Variants in BRCA2 observed in about 807,000 individuals in gnomAD.
The protein encoded by BRCA2 is BRCA2 DNA repair associated.
A neutral mutation model predicts 276.7 loss-of-function variants in BRCA2; 203 were observed. The ratio of observed to expected loss-of-function variants is 0.73; its 90% CI spans 0.65 to 0.82. The LOEUF is 0.82. BRCA2 is among the 40% of genes least tolerant of loss of function. The pLI, the probability that BRCA2 is intolerant of heterozygous loss-of-function variation, is 0.00. For synonymous variants in BRCA2, 1,289 were observed against 1,338.4 expected (o/e 0.96, Z 0.81); for missense variants, 3,920 against 3,915.0 (o/e 1.00, Z -0.03).
At chr13:32,392,530 C>T (rs1302022724) in intron 24 of BRCA2, among the ~76,000 whole-genome samples, 3 of 150,564 alleles carry the variant, frequency 2.0e-5, no homozygotes, top group African/African-American at 4.9e-5. Flanking sequence ...GCGGGGGCTG[C>T]GGTGACCCAA....
chr13:32,367,646 T>G lies in BRCA2; in HGVS notation c.8332-2756T>G, dbSNP rs149912422. On this transcript the variant is annotated intron_variant, in intron 18 of 26. Transcript: ENST00000380152. ...CCCATCTCTACAAAAAATACAAAAA[T>G]TAACCAGGTGTGGTGGCATGTGCCT... Among the ~76,000 whole-genome samples, 417 of 151,906 alleles carry G rather than the reference T, an allele frequency of 2.7e-3. 2 individuals are homozygous for G. Among genetic ancestry groups the G allele is most frequent in the African/African-American group, 9.5e-3 (394 of 41,424 alleles).
chr13:32,364,122 G>C (rs1398445664), intron 18 of BRCA2, among the ~76,000 whole-genome samples: 1 of 152,140 alleles, frequency 6.6e-6, no homozygotes, highest in Non-Finnish European at 1.5e-5. Context: ...TTTGGCATTA[G>C]TTCCATGTTG....
chr13:32,394,630 A>G, intron 24 of BRCA2, 59 bp from the exon 25 acceptor site: 1 of 1,562,384 alleles, frequency 6.4e-7, no homozygotes, highest in Non-Finnish European at 8.7e-7. Flanking sequence ...CCTTTCTTGC[A>G]TCTTAAAATT....
chr13:32,333,498 G>A, intron 10 of BRCA2, 111 bp downstream of exon 10: 1 of 1,207,860 alleles, frequency 8.3e-7, no homozygotes, highest in Non-Finnish European at 1.2e-6. Context: ...TTTAATCTTA[G>A]GCATCATCTG....
intron 24 of BRCA2, among the ~76,000 whole-genome samples, chr13:32,380,617 T>G (rs1350978131): frequency 6.9e-6 from 1 of 144,624 alleles, no homozygotes; most frequent in Admixed American, 7.4e-5. Flanking sequence ...CTCAGCCCAC[T>G]GCAAGTTCTG....
intron 18 of BRCA2, among the ~76,000 whole-genome samples, chr13:32,364,313 G>A (rs867533527): frequency 6.6e-6 from 1 of 151,712 alleles, no homozygotes; most frequent in Non-Finnish European, 1.5e-5. Context: ...CCAAAAAAAA[G>A]CAGTTGCTAG....
rs1215865818 is a variant in BRCA2 at position 32,340,703 on chromosome 13, C to T, written c.6348C>T (p.His2116=). Reference sequence around the variant, plus strand: ...GTGTTGATAAGAGAAACCCAGAGCACTGTGTAAACTCAGAAATGGAAAAAA... The same window carrying T: ...GTGTTGATAAGAGAAACCCAGAGCATTGTGTAAACTCAGAAATGGAAAAAA... ...LPRVDKRNPE[H]CVNSEMEKTC... is the part of the protein sequence containing the mutation. The change falls in exon 11 of 27, where the codon CAC becomes CAT. Residue 2116 remains histidine (H), a synonymous_variant. Coordinates refer to ENST00000380152, the MANE Select transcript of BRCA2 (RefSeq NM_000059.4). 6.2e-7 allele frequency: 1 copy of T among 1,609,346 alleles called. No homozygotes were observed. The highest frequency in any genetic ancestry group is 8.5e-7 in the Non-Finnish European group (1 of 1,178,960).
intron 18 of BRCA2, among the ~76,000 whole-genome samples, chr13:32,366,135 C>CTTAA (rs1338031641): frequency 1.3e-5 from 2 of 151,942 alleles, no homozygotes; most frequent in African/African-American, 4.8e-5. Context: ...AAGCAAAGAA[C>CTTAA]TTAAGTGTGT....
rs398122577 is a variant in BRCA2 at position 32,355,075 on chromosome 13, C to T, written c.7222C>T (p.Pro2408Ser). 2.5e-6 allele frequency: 4 copies of T among 1,613,766 alleles called. No homozygotes were observed. The highest frequency in any genetic ancestry group is 1.7e-5 in the Admixed American group (1 of 60,000). The change falls in exon 14 of 27, where the codon CCA (proline) becomes TCA (serine). Residue 2408 changes from proline (P) to serine (S), a missense_variant. Physicochemically the swap from Pro to Ser is moderately conservative, Grantham distance 74. This residue lies in a region of BRCA2 where 3,263 missense variants were observed against 3,156.9 expected (regional missense o/e 1.03). Coordinates refer to ENST00000380152, the MANE Select transcript of BRCA2 (RefSeq NM_000059.4). Reference sequence around the variant, plus strand: ...AGGCAGACCAACCAAAGTCTTTGTTCCACCTTTTAAAACTAAATCACATTT... The same window carrying T: ...AGGCAGACCAACCAAAGTCTTTGTTTCACCTTTTAAAACTAAATCACATTT... ...TTGRPTKVFVPPFKTKSHFHR... is the reference protein window; with the variant it reads ...TTGRPTKVFVSPFKTKSHFHR...
At chr13:32,343,278 G>C (rs1278245296) in intron 11 of BRCA2, among the ~76,000 whole-genome samples, 2 of 151,926 alleles carry the variant, frequency 1.3e-5, no homozygotes, top group Non-Finnish European at 2.9e-5. Flanking sequence ...TTTGTTAGTT[G>C]CAATTAAAGC....
intron 18 of BRCA2, among the ~76,000 whole-genome samples, chr13:32,366,878 A>G (rs1398340059): frequency 6.6e-6 from 1 of 152,006 alleles, no homozygotes; most frequent in Non-Finnish European, 1.5e-5. Flanking sequence ...CAAAAAAAAA[A>G]AAAAAAGGAA....
rs11451886 is a variant in BRCA2, at chr13:32,380,534, C to CTTTTT, written c.9256+405_9256+409dup. On this transcript the variant is annotated intron_variant, in intron 24 of 26. Transcript: ENST00000380152. The stretch of plus-strand genomic sequence containing the variant: ...GGCTATTTATTATCTCAGAGTCAAG[C>CTTTTT]TTTTTTTTTTTTTTTTTTTTCCCCG... Among the ~76,000 whole-genome samples, 4 of 101,722 alleles carry CTTTTT rather than the reference C, an allele frequency of 3.9e-5. 1 individual carries two copies. The highest frequency in any genetic ancestry group is 7.5e-5 in the Non-Finnish European group (4 of 53,028). 66.7% of individuals were successfully genotyped at this position (101,722 alleles called of 152,430 possible).
Position 32,344,167 on chromosome 13 carries a change from A to G in BRCA2, c.6842-391A>G, listed in dbSNP as rs1215746556. 4.1e-3 allele frequency among the ~76,000 whole-genome samples: 48 copies of G among 11,784 alleles called. No homozygotes were observed. In the Middle Eastern group the frequency reaches 0.12, roughly 28 times the overall value. The allele number at this position is 11,784 out of a possible 152,430, so 7.7% of individuals were successfully genotyped here. On this transcript the variant is annotated intron_variant, in intron 11 of 26. Transcript: ENST00000380152. ...TCAGTTAATGGCTGCCCCCGTGCTGAAAAAAAAAAAAAAAAAGAGAGAAAA... is the reference window on the plus strand; with the variant it reads ...TCAGTTAATGGCTGCCCCCGTGCTGGAAAAAAAAAAAAAAAAGAGAGAAAA...
intron 11 of BRCA2, 146 bp downstream of exon 11, chr13:32,341,342 G>A: frequency 9.3e-7 from 1 of 1,072,248 alleles, no homozygotes; most frequent in Admixed American, 1.9e-5. Context: ...AGTATGGTTT[G>A]ATATACAGAT....
Position 32,336,432 on chromosome 13 carries a change from T to C in BRCA2, c.2077T>C (p.Cys693Arg), listed in dbSNP as rs878853558. 3.7e-6 allele frequency: 6 copies of C among 1,613,790 alleles called. No homozygotes were observed. Among genetic ancestry groups the C allele is most frequent in the Non-Finnish European group, 5.1e-6 (6 of 1,179,818 alleles). ...GGATCTTGATTATAAAGAAGCAAAA[T>C]GTAATAAGGAAAAACTACAGTTATT... ...SQDLDYKEAK[C>R]NKEKLQLFIT... is the part of the protein sequence containing the mutation. The change falls in exon 11 of 27, where the codon TGT (cysteine) becomes CGT (arginine). Residue 693 changes from cysteine (C) to arginine (R), a missense_variant. Physicochemically the swap from Cys to Arg is radical, Grantham distance 180. This residue lies in a region of BRCA2 where 3,263 missense variants were observed against 3,156.9 expected (regional missense o/e 1.03). Transcript: ENST00000380152.
chr13:32,357,791 A>T lies in BRCA2; in HGVS notation c.7667A>T (p.Asn2556Ile), dbSNP rs2137566530. Residue 2556 changes from asparagine (N) to isoleucine (I), a missense_variant, in exon 16 of 27, where the codon AAT (asparagine) becomes ATT (isoleucine). Asn to Ile is a moderately radical substitution (Grantham distance 149). Around this residue, in one of 2 missense-constraint regions of BRCA2, gnomAD observed 3,263 missense variants for 3,156.9 expected, o/e 1.03. Transcript: ENST00000380152. ...SKHCIKINSKNAESFQFHTED... is the reference protein window; with the variant it reads ...SKHCIKINSKIAESFQFHTED... ...CATTGCATAAAAATTAACAGCAAAAATGCAGAGTCTTTTCAGTTTCACACT... is the reference window on the plus strand; with the variant it reads ...CATTGCATAAAAATTAACAGCAAAATTGCAGAGTCTTTTCAGTTTCACACT... The T allele has an allele frequency of 6.2e-7, 1 of 1,613,908 alleles. No individual in the cohort carries two copies. Among genetic ancestry groups the T allele is most frequent in the Non-Finnish European group, 8.5e-7 (1 of 1,179,816 alleles).
rs1566218165 is a variant in BRCA2 at position 32,325,128 on chromosome 13, A to C, written c.369A>C (p.Lys123Asn). The C allele has an allele frequency of 1.2e-6, 2 of 1,610,322 alleles. No individual in the cohort carries two copies. The highest frequency in any genetic ancestry group is 1.3e-5 in the African/African-American group (1 of 74,978). Residue 123 changes from lysine to asparagine, a missense_variant, in exon 4 of 27, where the codon AAA (lysine) becomes AAC (asparagine). Physicochemically the swap from Lys to Asn is moderately conservative, Grantham distance 94. Coordinates refer to ENST00000380152, the MANE Select transcript of BRCA2 (RefSeq NM_000059.4). ...RHKSLRTVKT[K>N]MDQADDVSCP... ...AAAGTCTTCGCACAGTGAAAACTAAAATGGATCAAGCAGATGATGTTTCCT... is the reference window on the plus strand; with the variant it reads ...AAAGTCTTCGCACAGTGAAAACTAACATGGATCAAGCAGATGATGTTTCCT...
At chr13:32,388,918 G>A (rs1418491040) in intron 24 of BRCA2, among the ~76,000 whole-genome samples, 5 of 152,154 alleles carry the variant, frequency 3.3e-5, no homozygotes, top group Non-Finnish European at 7.3e-5. Flanking sequence ...TGATATGCCA[G>A]CATTCAACTT....
chr13:32,340,356 T>G lies in BRCA2; in HGVS notation c.6001T>G (p.Ser2001Ala), dbSNP rs939633265. 4 of 1,614,036 alleles carry G rather than the reference T, an allele frequency of 2.5e-6. No homozygotes were observed. Among genetic ancestry groups the G allele is most frequent in the Non-Finnish European group, 3.4e-6 (4 of 1,179,936 alleles). Residue 2001 changes from serine to alanine, a missense_variant, in exon 11 of 27, where the codon TCT becomes GCT. This residue lies in a region of BRCA2 where 3,263 missense variants were observed against 3,156.9 expected (regional missense o/e 1.03). Coordinates refer to ENST00000380152, the MANE Select transcript of BRCA2 (RefSeq NM_000059.4). The stretch of plus-strand genomic sequence containing the variant: ...ATTACAAAACGCAAGACAAGTGTTT[T>G]CTGAAATAGAAGATAGTACCAAGCA... Reference protein sequence around the residue: ...ASLQNARQVFSEIEDSTKQVF... With the variant: ...ASLQNARQVFAEIEDSTKQVF...
Sources: gnomAD v4.1 joint callset for allele counts (sites outside exome capture counted in the v4.1 genomes callset) on GRCh38, gnomAD v4.1.1 for gene constraint, gnomAD v4.1.1 regional missense constraint, MANE v1.5 for transcripts, NCBI Gene and HGNC (gene_info 2026-07-23, HGNC 2026-07-21) for gene names.